FAM228B: variants seen among roughly 807,000 people sequenced by gnomAD.
FAM228B encodes family with sequence similarity 228 member B.
FAM228B carries 38 observed loss-of-function variants against 42.6 expected under a neutral mutation model. That is an observed-to-expected ratio of 0.89 (90% CI 0.69 to 1.17). The LOEUF (loss-of-function observed/expected upper bound fraction) is 1.17. FAM228B is among the 50% of genes most tolerant of loss of function. FAM228B has a pLI of 0.00. For missense variants in FAM228B, 344 were observed against 367.3 expected (o/e 0.94, Z 0.52); for synonymous variants, 109 against 122.3 (o/e 0.89, Z 0.72).
intron 2 of FAM228B, among the ~76,000 whole-genome samples, chr2:24,087,735 C>T (rs1464238331): frequency 8.6e-5 from 13 of 151,718 alleles, no homozygotes; most frequent in African/African-American, 2.7e-4. Context: ...CTCAGCCTCC[C>T]GAGTAGCTGG....
At chr2:24,082,886 C>G (rs1168697630) in intron 2 of FAM228B, 1 of 1,602,572 alleles carries the variant, frequency 6.2e-7, no homozygotes, top group Non-Finnish European at 8.5e-7. Context: ...CCTCCTCACC[C>G]ACAAGATGTA....
At chr2:24,109,834 G>C (rs1665759529) in intron 3 of FAM228B, among the ~76,000 whole-genome samples, 1 of 152,198 alleles carries the variant, frequency 6.6e-6, no homozygotes, top group Admixed American at 6.5e-5. Flanking sequence ...CAGTGCTGAT[G>C]GGAGTGTAAA....
At chr2:24,167,299 A>G (rs1667443951) in intron 9 of FAM228B, among the ~76,000 whole-genome samples, 1 of 152,054 alleles carries the variant, frequency 6.6e-6, no homozygotes. Flanking sequence ...GCCTGGGTGG[A>G]TTGTGGTTCT....
intron 7 of FAM228B, among the ~76,000 whole-genome samples, chr2:24,154,790 C>A (rs1013273041): frequency 1.3e-5 from 2 of 152,132 alleles, no homozygotes; most frequent in African/African-American, 4.8e-5. Flanking sequence ...TGTAGATTAT[C>A]TGGCCTTTTT....
Position 24,084,355 on chromosome 2 carries a change from G to GGA in FAM228B, c.-210+3400_-210+3401insGA, listed in dbSNP as rs1558363065. The GGA allele has an allele frequency of 2.2e-6, 3 of 1,376,130 alleles. No homozygotes were observed. Among genetic ancestry groups the GGA allele is most frequent in the East Asian group, 5.1e-5 (2 of 38,978 alleles). The allele number at this position is 1,376,130 out of a possible 1,614,324, so 85.2% of individuals were successfully genotyped here. A position where few individuals can be genotyped will look rare whatever the true frequency, so the allele number is the denominator to read the frequency against. ...GTCTGAGGACACAGGGCAGGGCAGGGCAGGACAGGACAGGGCAGGGCAGGG... is the reference window on the plus strand; with the variant it reads ...GTCTGAGGACACAGGGCAGGGCAGGGGACAGGACAGGACAGGGCAGGGCAGGG... On this transcript the variant is annotated intron_variant, in intron 2 of 10. Coordinates refer to the FAM228B transcript ENST00000613899. The surrounding 1 kb of genome is among the most constrained non-coding windows in gnomAD (Gnocchi z 8.4).
rs1199959411 is a variant in FAM228B at position 24,080,280 on chromosome 2, G to C, written c.-289-596G>C. Among the ~76,000 whole-genome samples, 1 of 151,894 alleles carries C rather than the reference G, an allele frequency of 6.6e-6. No individual in the cohort carries two copies. The highest frequency in any genetic ancestry group is 2.4e-5 in the African/African-American group (1 of 41,334). On this transcript the variant is annotated intron_variant, in intron 1 of 10. Coordinates refer to the FAM228B transcript ENST00000613899. The surrounding 1 kb of genome is among the most constrained non-coding windows in gnomAD (Gnocchi z 4.7). The stretch of plus-strand genomic sequence containing the variant: ...TAAGGCTGGAGAATCACTTGAACCT[G>C]GGAGGCGGAGGTTGCAGCGAGCCGA...
intron 2 of FAM228B, among the ~76,000 whole-genome samples, chr2:24,093,524 A>G (rs1274911182): frequency 2.0e-5 from 3 of 152,022 alleles, no homozygotes; most frequent in Non-Finnish European, 2.9e-5. Context: ...GTGTATATGT[A>G]TCATATTTTC....
intron 10 of FAM228B, 159 bp downstream of exon 10, chr2:24,167,842 T>C: frequency 4.8e-6 from 4 of 836,272 alleles, no homozygotes; most frequent in Non-Finnish European, 7.1e-6. Context: ...TGATGATCTA[T>C]TTCAGTGTAA....
intron 7 of FAM228B, among the ~76,000 whole-genome samples, chr2:24,158,215 C>CTTTTTTTTTTTTTTTTTTTTTTTA (rs1335914110): frequency 1.1e-4 from 1 of 9,176 alleles, no homozygotes; most frequent in Non-Finnish European, 1.9e-4. Context: ...TTTTTTTTTC[C>CTTTTTTTTTTTTTTTTTTTTTTTA]AAAACATTGT....
chr2:24,141,386 T>G lies in FAM228B; in HGVS notation c.441+1936T>G, dbSNP rs756033731. On this transcript the variant is annotated intron_variant, in intron 5 of 10. Transcript: ENST00000615575. ...AGCCTCCTGAGTAGCTGGGACTACA[T>G]GCACCCACCACCACGCCTGGCTAAT... is the stretch of plus-strand genomic sequence containing the variant. Among the ~76,000 whole-genome samples, 60 of 152,186 alleles carry G rather than the reference T, an allele frequency of 3.9e-4. No homozygotes were observed. In the Middle Eastern group the frequency reaches 0.017, roughly 43 times the overall value.
At chr2:24,130,433 G>A (rs537792196) in intron 2 of FAM228B, among the ~76,000 whole-genome samples, 14 of 152,300 alleles carry the variant, frequency 9.2e-5, no homozygotes, top group African/African-American at 3.1e-4. Context: ...CACTAACAGT[G>A]TAAAAGTGCT....
chr2:24,113,150 A>G (rs1051535658), intron 3 of FAM228B, among the ~76,000 whole-genome samples: 5 of 152,112 alleles, frequency 3.3e-5, no homozygotes. Flanking sequence ...ACTACCTAGC[A>G]CAAAGCCGAC....
intron 2 of FAM228B, among the ~76,000 whole-genome samples, chr2:24,091,062 A>C (rs1200775955): frequency 6.6e-6 from 1 of 151,648 alleles, no homozygotes; most frequent in African/African-American, 2.4e-5. Flanking sequence ...CAATACAATA[A>C]GATAAAAAAC....
intron 7 of FAM228B, among the ~76,000 whole-genome samples, chr2:24,156,199 G>C (rs895637809): frequency 7.2e-5 from 11 of 152,194 alleles, no homozygotes; most frequent in African/African-American, 2.7e-4. Flanking sequence ...AGCGAGTCGT[G>C]CTTGTCATCT....
chr2:24,155,316 G>T (rs1317334814), intron 7 of FAM228B, among the ~76,000 whole-genome samples: 1 of 151,440 alleles, frequency 6.6e-6, no homozygotes, highest in Non-Finnish European at 1.5e-5. Flanking sequence ...ATGACTGGTG[G>T]TCATTAATGT....
chr2:24,090,625 C>T (rs552640302), intron 2 of FAM228B, among the ~76,000 whole-genome samples: 1 of 144,978 alleles, frequency 6.9e-6, no homozygotes, highest in Admixed American at 6.9e-5. Flanking sequence ...TATGATTATA[C>T]AAAATCAATA....
Position 24,135,965 on chromosome 2 carries a change from TATA to T in FAM228B, c.168+779_168+781del, listed in dbSNP as rs1666572793. Among the ~76,000 whole-genome samples the T allele has an allele frequency of 2.7e-5, 4 of 150,526 alleles. No individual in the cohort carries two copies. The South Asian group carries it at 8.4e-4, about 32-fold the overall frequency. On this transcript the variant is annotated intron_variant, in intron 3 of 10. Coordinates refer to ENST00000615575, the MANE Select transcript of FAM228B (RefSeq NM_001145710.2). ...CCTTTTTTTTTTTCTGAAGGTCAGT[TATA>T]GTGAAGGGTTTTTTTTTTTTTTTTT...
chr2:24,134,245 T>A (rs1408569068), intron 2 of FAM228B, among the ~76,000 whole-genome samples: 2 of 152,200 alleles, frequency 1.3e-5, no homozygotes, highest in African/African-American at 4.8e-5. Flanking sequence ...AAAACAAAAT[T>A]AGTGGGTGAA....
intron 2 of FAM228B, among the ~76,000 whole-genome samples, chr2:24,091,603 T>G (rs903726953): frequency 4.6e-5 from 7 of 152,146 alleles, no homozygotes; most frequent in African/African-American, 1.7e-4. Context: ...GTTAAGCAAC[T>G]AGAAATATTA....
Sources: allele counts gnomAD v4.1 joint callset (sites outside exome capture counted in the v4.1 genomes callset), GRCh38; gene constraint gnomAD v4.1.1; non-coding constraint Gnocchi (gnomAD v3.1); transcripts MANE v1.5; gene names NCBI Gene and HGNC (gene_info 2026-07-23, HGNC 2026-07-21).